Variants in NCAPD3 observed in about 807,000 individuals in gnomAD.
NCAPD3 encodes the protein non-SMC condensin II complex subunit D3, also known as condensin-2 complex subunit D3.
A neutral mutation model predicts 182.9 loss-of-function variants in NCAPD3; 105 were observed. The ratio of observed to expected loss-of-function variants is 0.57; its 90% CI spans 0.49 to 0.68. The LOEUF (loss-of-function observed/expected upper bound fraction) is 0.68, where lower values mean the gene tolerates loss of function less well. NCAPD3 is among the 30% of genes least tolerant of loss of function. The pLI is 0.00. For synonymous variants in NCAPD3, 815 were observed against 679.9 expected, an observed-to-expected ratio of 1.20 and a Z score of -3.09; for missense variants, 1,944 against 1,837.0, an observed-to-expected ratio of 1.06 and a Z score of -1.07.
chr11:134,214,056 T>C (rs1248138045), intron 3 of NCAPD3, among the ~76,000 whole-genome samples: 1 of 151,786 alleles, frequency 6.6e-6, no homozygotes, highest in Non-Finnish European at 1.5e-5. Context: ...TGAATAACAT[T>C]TGTAACCAAC....
Position 134,151,034 on chromosome 11 carries a change from A to T in NCAPD3, c.*1910T>A, listed in dbSNP as rs1343007464. ...GTGTTCTTCAAGAGCAGGTGTTCTC[A>T]GCCTCACATGCCCTGCCGTGCTGGA... On this transcript the variant is annotated 3_prime_UTR_variant, in exon 35 of 35. Transcript: ENST00000534548. 6.6e-6 allele frequency: 1 copy of T among 152,284 alleles called. No individual in the cohort carries two copies. The highest frequency in any genetic ancestry group is 1.5e-5 in the Non-Finnish European group (1 of 68,072). The allele number at this position is 152,284 out of a possible 1,614,324, so 9.4% of individuals were successfully genotyped here. A position where few individuals can be genotyped will look rare whatever the true frequency, so the allele number is the denominator to read the frequency against.
intron 27 of NCAPD3, among the ~76,000 whole-genome samples, chr11:134,164,333 C>T (rs879382962): frequency 1.3e-5 from 2 of 152,234 alleles, no homozygotes; most frequent in Non-Finnish European, 2.9e-5. Flanking sequence ...GGAGTTTTGA[C>T]AGAGTAAGTC....
intron 2 of NCAPD3, among the ~76,000 whole-genome samples, chr11:134,219,819 CAG>C: frequency 6.6e-6 from 1 of 152,186 alleles, no homozygotes; most frequent in African/African-American, 2.4e-5. Flanking sequence ...TTTTGTGAGA[CAG>C]AGTCTTGCTC....
At chr11:134,161,339 G>A (rs972468399) in intron 28 of NCAPD3, among the ~76,000 whole-genome samples, 2 of 152,188 alleles carry the variant, frequency 1.3e-5, no homozygotes, top group Non-Finnish European at 2.9e-5. Flanking sequence ...TCAGCCTGGT[G>A]ATGGCAGCTC....
chr11:134,201,534 A>C (rs1423662191), intron 13 of NCAPD3, among the ~76,000 whole-genome samples: 4 of 152,228 alleles, frequency 2.6e-5, no homozygotes, highest in African/African-American at 9.6e-5. Context: ...CTCTGCCTTA[A>C]TAAGAAAAAG....
At chr11:134,216,397 TG>T (rs1938023583) in intron 3 of NCAPD3, among the ~76,000 whole-genome samples, 1 of 152,222 alleles carries the variant, frequency 6.6e-6, no homozygotes, top group South Asian at 2.1e-4. Context: ...GGGAAGAGAA[TG>T]GATTTCACTG....
chr11:134,199,300 A>G (rs894300677), intron 13 of NCAPD3, among the ~76,000 whole-genome samples: 2 of 152,168 alleles, frequency 1.3e-5, no homozygotes, highest in Non-Finnish European at 2.9e-5. Flanking sequence ...ACAGAGAAAA[A>G]GCTCTGTCTA....
At chr11:134,196,497 T>A (rs911332135) in intron 13 of NCAPD3, among the ~76,000 whole-genome samples, 10 of 151,272 alleles carry the variant, frequency 6.6e-5, no homozygotes, top group Non-Finnish European at 7.4e-5. Flanking sequence ...TACAAAAAAA[T>A]TTGCCGGGTG....
chr11:134,184,042 C>A (rs1427323547), intron 19 of NCAPD3, among the ~76,000 whole-genome samples: 1 of 152,120 alleles, frequency 6.6e-6, no homozygotes, highest in Non-Finnish European at 1.5e-5. Context: ...AAAATTATTT[C>A]TTCAGTTACT....
intron 1 of NCAPD3, chr11:134,223,342 G>C: frequency 1.5e-6 from 1 of 689,122 alleles, no homozygotes; most frequent in Non-Finnish European, 2.7e-6. Context: ...GCAGGACAGT[G>C]GTAGTGGGCA....
In NCAPD3 at chr11:134,185,461, T is replaced by C; in HGVS notation, c.2111A>G (p.Asn704Ser). Residue 704 changes from asparagine to serine, a missense_variant, in exon 17 of 35, where the codon AAC (asparagine) becomes AGC (serine). Asn to Ser is a conservative substitution (Grantham distance 46, BLOSUM62 1). This residue lies in a region of NCAPD3 where 1,803 missense variants were observed against 1,674.6 expected (regional missense o/e 1.08). Coordinates refer to ENST00000534548, the MANE Select transcript of NCAPD3 (RefSeq NM_015261.3). ...KKEKFSPTFINNVISHTGTEH... is the reference protein window; with the variant it reads ...KKEKFSPTFISNVISHTGTEH... ...CGTGCCAGTGTGAGATATTACATTG[T>C]TTATAAAAGTGGGTGAGAATTTTTC... The C allele has an allele frequency of 6.2e-7, 1 of 1,613,322 alleles. No homozygotes were observed. The highest frequency in any genetic ancestry group is 2.2e-5 in the East Asian group (1 of 44,850).
chr11:134,198,501 C>A (rs769363932), intron 13 of NCAPD3, among the ~76,000 whole-genome samples: 1 of 152,200 alleles, frequency 6.6e-6, no homozygotes, highest in South Asian at 2.1e-4. Flanking sequence ...ACCTTGGGCA[C>A]ATGTTCTCAG....
At chr11:134,182,507 G>T (rs1374961753) in intron 19 of NCAPD3, among the ~76,000 whole-genome samples, 2 of 152,164 alleles carry the variant, frequency 1.3e-5, no homozygotes, top group African/African-American at 4.8e-5. Context: ...AGGCCCTTCT[G>T]CAGTTCCTTA....
Position 134,153,187 on chromosome 11 carries a change from G to A in NCAPD3, c.4341C>T (p.Gly1447=), listed in dbSNP as rs1943309925. The A allele has an allele frequency of 1.2e-6, 2 of 1,613,978 alleles. No individual in the cohort carries two copies. Among genetic ancestry groups the A allele is most frequent in the Non-Finnish European group, 1.7e-6 (2 of 1,179,984 alleles). Reference sequence around the variant, plus strand: ...ATAAGATGTCATTTCCTTGACTCCGGCCTTCAATTTTCTCTAAAAGGGAGT... The same window carrying A: ...ATAAGATGTCATTTCCTTGACTCCGACCTTCAATTTTCTCTAAAAGGGAGT... The part of the protein sequence containing the change: ...TPSSAKEKIE[G]RSQGNDILCL... The change falls in exon 34 of 35, where the codon GGC becomes GGT. Residue 1447 remains glycine, a synonymous_variant. Transcript: ENST00000534548.
intron 2 of NCAPD3, 91 bp from the exon 3 acceptor site, chr11:134,217,189 CA>C (rs1158487708): frequency 8.0e-7 from 1 of 1,243,806 alleles, no homozygotes; most frequent in Admixed American, 3.1e-5. Context: ...TGGTGCCTTA[CA>C]AAAAGAGGAA....
At chr11:134,223,988 C>T, upstream of NCAPD3, 2 of 1,583,694 alleles carry the variant, frequency 1.3e-6, no homozygotes. Flanking sequence ...CCCGCGCGCG[C>T]GCCGAGTCGT....
intron 24 of NCAPD3, among the ~76,000 whole-genome samples, chr11:134,171,873 CTCAG>C (rs1356489283): frequency 1.3e-5 from 2 of 152,196 alleles, no homozygotes; most frequent in African/African-American, 4.8e-5. Context: ...TGCTTCATCC[CTCAG>C]TCAGAGGATG....
Position 134,153,123 on chromosome 11 carries a change from A to G in NCAPD3, c.4388+17T>C. ...TGACAGAAACATCCACCTCAAAAGG[A>G]ACACTGCTAAACTTACGGTTTATCA... is the stretch of plus-strand genomic sequence containing the variant. On this transcript the variant is annotated intron_variant, in intron 34 of 34. Transcript: ENST00000534548. 2 of 1,613,730 alleles carry G rather than the reference A, an allele frequency of 1.2e-6. No individual in the cohort carries two copies. Among genetic ancestry groups the G allele is most frequent in the Non-Finnish European group, 1.7e-6 (2 of 1,179,612 alleles).
intron 13 of NCAPD3, among the ~76,000 whole-genome samples, chr11:134,201,238 G>A (rs1944741914): frequency 6.6e-6 from 1 of 152,040 alleles, no homozygotes; most frequent in South Asian, 2.1e-4. Context: ...TGGCCAGGAT[G>A]GTCTCGATCT....
Sources: gnomAD v4.1 joint callset for allele counts (sites outside exome capture counted in the v4.1 genomes callset) on GRCh38, gnomAD v4.1.1 for gene constraint, gnomAD v4.1.1 regional missense constraint, MANE v1.5 for transcripts, NCBI Gene and HGNC (gene_info 2026-07-23, HGNC 2026-07-21) for gene names.